The following DGKI variants were observed in gnomAD, a reference collection of about 807,000 sequenced individuals.
DGKI encodes DAG kinase iota.
Under a neutral mutation model 147.5 loss-of-function variants are expected in DGKI, and 55 were observed. The ratio of observed to expected loss-of-function variants is 0.37; its 90% CI spans 0.30 to 0.47. The LOEUF is 0.47. DGKI is among the 20% of genes least tolerant of loss of function. The pLI is 1.00. For synonymous variants in DGKI, 469 were observed against 477.1 expected (o/e 0.98, Z 0.22); for missense variants, 1,007 against 1,323.8 (o/e 0.76, Z 3.71).
intron 3 of DGKI, among the ~76,000 whole-genome samples, chr7:137,665,706 C>T (rs1050263406): frequency 1.3e-5 from 2 of 152,210 alleles, no homozygotes; most frequent in African/African-American, 4.8e-5. Flanking sequence ...CCCGAGAGAC[C>T]TACAGGGAGA....
Position 137,461,180 on chromosome 7 carries a change from G to T in DGKI, c.2735+2309C>A, listed in dbSNP as rs144023565. Among the ~76,000 whole-genome samples the T allele has an allele frequency of 3.4e-3, 519 of 152,318 alleles. 4 individuals are homozygous for T. Among genetic ancestry groups the T allele is most frequent in the African/African-American group, 0.011 (473 of 41,570 alleles). ...TGACTTTGTATGGTCCCTTTGGGAA[G>T]ATAGTGTAGGACAATGGAAAAAGCA... On this transcript the variant is annotated intron_variant, in intron 27 of 32. Transcript: ENST00000614521.
chr7:137,688,573 A>G lies in DGKI; in HGVS notation c.510+1321T>C, dbSNP rs544007118. On this transcript the variant is annotated intron_variant, in intron 2 of 32. Coordinates refer to ENST00000614521, the MANE Select transcript of DGKI (RefSeq NM_001321708.2). Reference sequence around the variant, plus strand: ...ACCCCTGGAATGTCTCACCTCAAAGAAGGCCCTGCTGCTGCAGACTACAGG... The same window carrying G: ...ACCCCTGGAATGTCTCACCTCAAAGGAGGCCCTGCTGCTGCAGACTACAGG... Among the ~76,000 whole-genome samples the G allele has an allele frequency of 1.1e-4, 16 of 152,316 alleles. 1 individual carries two copies. The highest frequency in any genetic ancestry group is 6.2e-4 in the South Asian group (3 of 4,828).
intron 14 of DGKI, among the ~76,000 whole-genome samples, chr7:137,584,325 A>G (rs1408768283): frequency 6.6e-6 from 1 of 152,208 alleles, no homozygotes; most frequent in Non-Finnish European, 1.5e-5. Context: ...AGGAAAATGG[A>G]AAGTAATATG....
chr7:137,452,862 C>T (rs1057424833), intron 27 of DGKI: 2 of 152,182 alleles, frequency 1.3e-5, no homozygotes, highest in Non-Finnish European at 2.9e-5. Flanking sequence ...AGAACAGCCT[C>T]CCATCATGTG....
At chr7:137,507,534 G>A (rs556546045) in intron 21 of DGKI, among the ~76,000 whole-genome samples, 10 of 152,256 alleles carry the variant, frequency 6.6e-5, no homozygotes, top group African/African-American at 2.4e-4. Context: ...TAATCTTGAA[G>A]AGCAACTCAT....
intron 21 of DGKI, among the ~76,000 whole-genome samples, chr7:137,506,711 G>A (rs1816380869): frequency 6.6e-6 from 1 of 151,978 alleles, no homozygotes; most frequent in South Asian, 2.1e-4. Flanking sequence ...GGTAGGGGAG[G>A]GTTGAGAGGA....
intron 2 of DGKI, 65 bp from the exon 3 acceptor site, chr7:137,678,717 AT>A: frequency 6.9e-7 from 1 of 1,445,988 alleles, no homozygotes; most frequent in Non-Finnish European, 9.7e-7. Context: ...ACTATTTCAA[AT>A]TTAGATTTGG....
At chr7:137,533,031 G>T (rs1024636214) in intron 20 of DGKI, among the ~76,000 whole-genome samples, 6 of 152,168 alleles carry the variant, frequency 3.9e-5, no homozygotes, top group African/African-American at 1.4e-4. Context: ...GGGGCCAGGT[G>T]CAGTGGCACC....
chr7:137,676,458 T>C (rs996652056), intron 3 of DGKI, among the ~76,000 whole-genome samples: 3 of 152,186 alleles, frequency 2.0e-5, no homozygotes, highest in East Asian at 3.9e-4. Flanking sequence ...CTATGTATCA[T>C]CTCACCAAAC....
chr7:137,823,359 A>G (rs1245512245), intron 1 of DGKI, among the ~76,000 whole-genome samples: 1 of 152,212 alleles, frequency 6.6e-6, no homozygotes, highest in African/African-American at 2.4e-5. Flanking sequence ...AGAACTCCAT[A>G]ACCTGAAAAG....
chr7:137,791,823 A>G (rs1205474258), intron 1 of DGKI, among the ~76,000 whole-genome samples: 1 of 152,244 alleles, frequency 6.6e-6, no homozygotes, highest in Non-Finnish European at 1.5e-5. Flanking sequence ...AAACCACTCA[A>G]TCCTTTCCCC....
rs377170766 is a variant in DGKI at position 137,727,807 on chromosome 7, A to G, written c.402-37805T>C. On this transcript the variant is annotated intron_variant, in intron 1 of 32. Coordinates refer to ENST00000614521, the MANE Select transcript of DGKI (RefSeq NM_001321708.2). ...TCATAGCAGAAGCTTAAAACAGACC[A>G]TTTTGCTTGTGGTCCGAATTAAGAA... 5.3e-5 allele frequency among the ~76,000 whole-genome samples: 8 copies of G among 152,150 alleles called. No homozygotes were observed. In the East Asian group the frequency reaches 1.2e-3, roughly 22 times the overall value.
intron 2 of DGKI, among the ~76,000 whole-genome samples, chr7:137,680,280 T>C (rs1398981258): frequency 6.6e-6 from 1 of 152,218 alleles, no homozygotes; most frequent in Non-Finnish European, 1.5e-5. Flanking sequence ...CCACCAGAAC[T>C]GTGGGAAATG....
At chr7:137,687,046 C>T (rs1457990054) in intron 2 of DGKI, among the ~76,000 whole-genome samples, 1 of 152,026 alleles carries the variant, frequency 6.6e-6, no homozygotes, top group African/African-American at 2.4e-5. Context: ...GTAGTAGACG[C>T]CTTTGAGATG....
At chr7:137,439,615 A>T (rs540384468) in intron 28 of DGKI, among the ~76,000 whole-genome samples, 1 of 152,300 alleles carries the variant, frequency 6.6e-6, no homozygotes, top group African/African-American at 2.4e-5. Flanking sequence ...TCAAGGTGAG[A>T]TTTAGGTGGG....
chr7:137,464,279 G>T (rs1471478818), intron 26 of DGKI, among the ~76,000 whole-genome samples: 1 of 142,782 alleles, frequency 7.0e-6, no homozygotes, highest in Non-Finnish European at 1.5e-5. Flanking sequence ...AAAAAAAAAA[G>T]GAAAAGAAAA....
Position 137,735,138 on chromosome 7 carries a change from C to T in DGKI, c.402-45136G>A, listed in dbSNP as rs561027097. 3.3e-4 allele frequency among the ~76,000 whole-genome samples: 50 copies of T among 152,208 alleles called. No individual in the cohort carries two copies. In the East Asian group the frequency reaches 4.5e-3, roughly 14 times the overall value. On this transcript the variant is annotated intron_variant, in intron 1 of 32. Coordinates refer to ENST00000614521, the MANE Select transcript of DGKI (RefSeq NM_001321708.2). ...ATTAGACTCATCTGTGTGAAAAACA[C>T]GTCTGTCCCATTTAACACCCTTTAG...
chr7:137,484,062 A>G (rs150922454), intron 23 of DGKI, among the ~76,000 whole-genome samples: 198 of 152,164 alleles, frequency 1.3e-3, no homozygotes, highest in African/African-American at 4.6e-3. Context: ...TTTTAATGTA[A>G]ACATATCCTA....
At chr7:137,619,774 G>A (rs1306498974) in intron 8 of DGKI, 50 bp downstream of exon 8, 4 of 1,413,108 alleles carry the variant, frequency 2.8e-6, no homozygotes, top group Admixed American at 1.7e-5. Flanking sequence ...CGAAGCAGCA[G>A]TTCATTTTTC....
Sources: allele counts gnomAD v4.1 joint callset (sites outside exome capture counted in the v4.1 genomes callset), GRCh38; gene constraint gnomAD v4.1.1; transcripts MANE v1.5; gene names NCBI Gene and HGNC (gene_info 2026-07-23, HGNC 2026-07-21).